CHD6: variants seen among roughly 807,000 people sequenced by gnomAD.
The protein encoded by CHD6 is chromodomain helicase DNA binding protein 6, also known as ATP-dependent chromatin remodeler CHD6.
In CHD6, 50 loss-of-function variants were observed where a neutral mutation model predicts 276.9. The ratio of observed to expected loss-of-function variants is 0.18; its 90% CI spans 0.14 to 0.23. The LOEUF is 0.23. Among genes scored for constraint, CHD6 ranks in the 10% least tolerant of loss-of-function variants. The pLI, the probability that CHD6 is intolerant of heterozygous loss-of-function variation, is 1.00. For synonymous variants in CHD6, 1,173 were observed against 1,229.3 expected (o/e 0.95, Z 0.96); for missense variants, 2,564 against 3,365.8 (o/e 0.76, Z 5.89).
chr20:41,408,750 C>T (rs2046757781), intron 36 of CHD6, among the ~76,000 whole-genome samples: 1 of 152,202 alleles, frequency 6.6e-6, no homozygotes, highest in Non-Finnish European at 1.5e-5. Context: ...AGAGAGGGGG[C>T]ATATTCCACC....
intron 1 of CHD6, among the ~76,000 whole-genome samples, chr20:41,597,207 G>T (rs1384085348): frequency 6.6e-6 from 1 of 152,074 alleles, no homozygotes; most frequent in Non-Finnish European, 1.5e-5. Context: ...GGAGGTCAGG[G>T]ATTCTGTTTC....
At chr20:41,511,610 T>C (rs897957081) in intron 5 of CHD6, among the ~76,000 whole-genome samples, 7 of 152,122 alleles carry the variant, frequency 4.6e-5, no homozygotes, top group African/African-American at 1.7e-4. Flanking sequence ...CTAAAAACCT[T>C]AGGTGATACT....
intron 1 of CHD6, among the ~76,000 whole-genome samples, chr20:41,615,292 G>C (rs915073244): frequency 1.3e-5 from 2 of 148,630 alleles, no homozygotes; most frequent in African/African-American, 5.0e-5. Flanking sequence ...CAAACACCAG[G>C]TATTCAATCA....
At chr20:41,505,594 G>A (rs2043957581) in intron 5 of CHD6, among the ~76,000 whole-genome samples, 1 of 152,000 alleles carries the variant, frequency 6.6e-6, no homozygotes, top group African/African-American at 2.4e-5. Flanking sequence ...AATTCTTGTT[G>A]TTTCCATAGC....
chr20:41,569,808 G>T (rs1448212380), intron 1 of CHD6, among the ~76,000 whole-genome samples: 4 of 152,128 alleles, frequency 2.6e-5, no homozygotes, highest in East Asian at 1.9e-4. Context: ...TATCAGAGAT[G>T]ATTTAAAGTA....
intron 26 of CHD6, among the ~76,000 whole-genome samples, chr20:41,438,695 C>T (rs1300302785): frequency 1.3e-5 from 2 of 152,176 alleles, no homozygotes; most frequent in Non-Finnish European, 1.5e-5. Context: ...CCTTGCTTTA[C>T]CACTTAACCG....
At chr20:41,427,265 T>C (rs2047395314) in intron 27 of CHD6, among the ~76,000 whole-genome samples, 1 of 151,674 alleles carries the variant, frequency 6.6e-6, no homozygotes, top group Admixed American at 6.6e-5. Flanking sequence ...AAATTCAAAA[T>C]GCTCTTTTGG....
chr20:41,427,076 T>C (rs2047387493), intron 27 of CHD6, among the ~76,000 whole-genome samples: 1 of 152,106 alleles, frequency 6.6e-6, no homozygotes, highest in Admixed American at 6.5e-5. Flanking sequence ...AGAATGGTTC[T>C]TACGTTTTTA....
rs185644951 is a variant in CHD6 at position 41,529,379 on chromosome 20, T to C, written c.554+3671A>G. 1.2e-4 allele frequency among the ~76,000 whole-genome samples: 18 copies of C among 152,178 alleles called. No homozygotes were observed. The East Asian group carries it at 3.1e-3, about 26-fold the overall frequency. On this transcript the variant is annotated intron_variant, in intron 3 of 36. Coordinates refer to ENST00000373233, the MANE Select transcript of CHD6 (RefSeq NM_032221.5). Reference sequence around the variant, plus strand: ...AAGTAGCCTGTTTTAGAGGCAAACATACAAGACTGGGAATCAGGCCTGAGA... The same window carrying C: ...AAGTAGCCTGTTTTAGAGGCAAACACACAAGACTGGGAATCAGGCCTGAGA...
chr20:41,454,637 T>C lies in CHD6; in HGVS notation c.3109A>G (p.Lys1037Glu), dbSNP rs760635945. Residue 1037 changes from lysine to glutamate, a missense_variant, in exon 20 of 37, where the codon AAG (lysine) becomes GAG (glutamate). This residue lies in a region of CHD6 where 515 missense variants were observed against 739.5 expected (regional missense o/e 0.70). Coordinates refer to ENST00000373233, the MANE Select transcript of CHD6 (RefSeq NM_032221.5). The stretch of plus-strand genomic sequence containing the variant: ...TTATTTTGCTGTACCTTTTCATTCT[T>C]TGCTTCAGTGTCTAGTTCAGCTATT... ...AKIAELDTEA[K>E]NEKESLVIDR... is the part of the protein sequence containing the mutation. The C allele has an allele frequency of 6.2e-7, 1 of 1,611,296 alleles. No homozygotes were observed. Among genetic ancestry groups the C allele is most frequent in the Non-Finnish European group, 8.5e-7 (1 of 1,178,150 alleles).
At chr20:41,564,648 T>G (rs2045336309) in intron 1 of CHD6, among the ~76,000 whole-genome samples, 2 of 152,194 alleles carry the variant, frequency 1.3e-5, no homozygotes, top group Admixed American at 1.3e-4. Flanking sequence ...AAGCGGACAT[T>G]TTTCCGTGTG....
At chr20:41,515,513 G>T (rs887211075) in intron 3 of CHD6, among the ~76,000 whole-genome samples, 2 of 152,160 alleles carry the variant, frequency 1.3e-5, no homozygotes, top group African/African-American at 4.8e-5. Flanking sequence ...GATGGGCCAA[G>T]TCCATCCACC....
chr20:41,602,462 G>A (rs1178625021), intron 1 of CHD6, among the ~76,000 whole-genome samples: 5 of 152,178 alleles, frequency 3.3e-5, no homozygotes, highest in Non-Finnish European at 7.3e-5. Context: ...AAAACTGCCA[G>A]TTTGCTCAAG....
rs553982550 is a variant in CHD6, at chr20:41,447,833, T to C, written c.3773+49A>G. 150 of 1,413,062 alleles carry C rather than the reference T, an allele frequency of 1.1e-4. 1 individual carries two copies. The South Asian group carries it at 1.7e-3, about 16-fold the overall frequency. 87.5% of individuals were successfully genotyped at this position (1,413,062 alleles called of 1,614,324 possible). On this transcript the variant is annotated intron_variant, in intron 24 of 36. Coordinates refer to ENST00000373233, the MANE Select transcript of CHD6 (RefSeq NM_032221.5). ...GTTTGGCCAGCTCCATGAATAGGCA[T>C]TTTATGTCAATTCTTTAACGTTGAT...
At chr20:41,447,068 A>G (rs1201755797) in intron 24 of CHD6, among the ~76,000 whole-genome samples, 2 of 152,220 alleles carry the variant, frequency 1.3e-5, no homozygotes, top group Non-Finnish European at 2.9e-5. Flanking sequence ...GAAAGTGGTA[A>G]CAGTTGCTGA....
intron 3 of CHD6, among the ~76,000 whole-genome samples, chr20:41,523,121 A>G (rs921694224): frequency 2.0e-5 from 3 of 152,152 alleles, no homozygotes; most frequent in Non-Finnish European, 4.4e-5. Context: ...CTGAAGACAA[A>G]CTGCCTTGGT....
chr20:41,422,477 G>T (rs2047227197), intron 30 of CHD6, among the ~76,000 whole-genome samples: 2 of 151,734 alleles, frequency 1.3e-5, no homozygotes. Context: ...CACCCCCCAT[G>T]TCTACAAAAA....
intron 29 of CHD6, 92 bp from the exon 30 acceptor site, chr20:41,423,792 A>G (rs1365271228): frequency 1.0e-6 from 1 of 974,120 alleles, no homozygotes; most frequent in African/African-American, 1.6e-5. Context: ...AGAGCCCATA[A>G]AGTCAAGAAA....
At chr20:41,541,187 TTCTC>T (rs759685417) in intron 2 of CHD6, among the ~76,000 whole-genome samples, 4 of 152,200 alleles carry the variant, frequency 2.6e-5, no homozygotes, top group Admixed American at 6.5e-5. Flanking sequence ...GTATGTCTCT[TTCTC>T]TCTTTCTTTT....
Sources: gnomAD v4.1 joint callset for allele counts (sites outside exome capture counted in the v4.1 genomes callset) on GRCh38, gnomAD v4.1.1 for gene constraint, gnomAD v4.1.1 regional missense constraint, MANE v1.5 for transcripts, NCBI Gene and HGNC (gene_info 2026-07-23, HGNC 2026-07-21) for gene names.